KYAT3: variants seen among roughly 807,000 people sequenced by gnomAD.
KYAT3 encodes kynurenine--oxoglutarate transaminase 3.
KYAT3 carries 50 observed loss-of-function variants against 59.0 expected under a neutral mutation model. That is an observed-to-expected ratio of 0.85 (90% CI 0.68 to 1.07). The LOEUF is 1.07. Ranked by LOEUF, KYAT3 falls within the 50% of genes least tolerant of loss-of-function variation. The pLI is 0.00. For missense variants in KYAT3, 497 were observed against 533.3 expected (o/e 0.93, Z 0.67); for synonymous variants, 148 against 177.0 (o/e 0.84, Z 1.30).
At chr1:88,942,684 T>A (rs887142207) in intron 13 of KYAT3, among the ~76,000 whole-genome samples, 1 of 152,074 alleles carries the variant, frequency 6.6e-6, no homozygotes, top group African/African-American at 2.4e-5. Context: ...TGCCTCAGCC[T>A]CCCTAGTAGC....
chr1:88,936,242 CT>C lies in KYAT3; in HGVS notation c.1305del (p.Asp436ThrfsTer26), dbSNP rs1675033198. 1.2e-6 allele frequency: 2 copies of C among 1,603,818 alleles called. No homozygotes were observed. The highest frequency in any genetic ancestry group is 1.7e-6 in the Non-Finnish European group (2 of 1,172,098). Reference sequence around the variant, plus strand: ...TCTTCAGCAGCATCCAGTGTGCTGTCTTTCTGTAAATTAATGAAATAATCAT... The same window carrying C: ...TCTTCAGCAGCATCCAGTGTGCTGTCTTCTGTAAATTAATGAAATAATCAT... ...EKFVRFCFIK[K>X]DSTLDAAEEI... On this transcript the variant is annotated frameshift_variant and splice_region_variant, in exon 14 of 14. Transcript: ENST00000260508. LOFTEE classifies it high-confidence loss of function.
rs781017098 is a variant in KYAT3 at position 88,983,777 on chromosome 1, G to A, written c.99+4475C>T. 33 of 1,613,640 alleles carry A rather than the reference G, an allele frequency of 2.0e-5. No homozygotes were observed. The Middle Eastern group carries it at 1.2e-3, about 56-fold the overall frequency. On this transcript the variant is annotated intron_variant, in intron 2 of 13. Transcript: ENST00000260508. ...TTCAAGAGCTTTCTCATTTGTTTCCGTATTAAGCCCACCAATGAAGAGCTT... is the reference window on the plus strand; with the variant it reads ...TTCAAGAGCTTTCTCATTTGTTTCCATATTAAGCCCACCAATGAAGAGCTT...
intron 6 of KYAT3, 65 bp from the exon 7 acceptor site, chr1:88,961,571 A>G: frequency 7.4e-7 from 1 of 1,355,266 alleles, no homozygotes; most frequent in South Asian, 1.4e-5. Flanking sequence ...TTACAAACGA[A>G]TAACCTAATA....
intron 10 of KYAT3, 53 bp from the exon 11 acceptor site, chr1:88,949,330 T>C (rs1048393242): frequency 1.0e-5 from 13 of 1,298,134 alleles, no homozygotes; most frequent in Non-Finnish European, 1.4e-5. Flanking sequence ...TGTTATTTAT[T>C]GCTTAGTTTA....
intron 8 of KYAT3, among the ~76,000 whole-genome samples, chr1:88,960,566 G>A (rs1282410415): frequency 6.6e-6 from 1 of 152,136 alleles, no homozygotes; most frequent in Non-Finnish European, 1.5e-5. Flanking sequence ...CCTGAAGGAG[G>A]TGAAGGATAT....
intron 4 of KYAT3, 118 bp from the exon 5 acceptor site, chr1:88,965,096 C>T: frequency 1.4e-6 from 1 of 715,428 alleles, no homozygotes; most frequent in Non-Finnish European, 2.2e-6. Context: ...TTATAATTAC[C>T]CCAAGAAAAT....
chr1:88,966,423 C>T (rs192650303), intron 4 of KYAT3, among the ~76,000 whole-genome samples: 346 of 152,136 alleles, frequency 2.3e-3, no homozygotes, highest in Non-Finnish European at 3.7e-3. Context: ...TAGATTTCAT[C>T]GTACAGATCT....
At chr1:88,985,480 C>G (rs184696666) in intron 2 of KYAT3, among the ~76,000 whole-genome samples, 1 of 152,210 alleles carries the variant, frequency 6.6e-6, no homozygotes, top group African/African-American at 2.4e-5. Context: ...ACACACATGC[C>G]ATGTTCTGTG....
At chr1:88,957,903 T>C (rs1675980816) in intron 8 of KYAT3, among the ~76,000 whole-genome samples, 1 of 152,182 alleles carries the variant, frequency 6.6e-6, no homozygotes, top group African/African-American at 2.4e-5. Flanking sequence ...AGATGGGCAA[T>C]TGTGGCCTCT....
chr1:88,939,202 T>A (rs930534826), intron 13 of KYAT3, among the ~76,000 whole-genome samples: 2 of 152,232 alleles, frequency 1.3e-5, no homozygotes, highest in Non-Finnish European at 2.9e-5. Context: ...CTACTAAGGA[T>A]CTTACCCATA....
chr1:88,957,363 G>C (rs575532755), intron 8 of KYAT3, among the ~76,000 whole-genome samples: 1 of 152,116 alleles, frequency 6.6e-6, no homozygotes, highest in East Asian at 1.9e-4. Context: ...TTTTCTATTT[G>C]ATCAGAGAAA....
chr1:88,931,329 G>A (rs1674902959), downstream of KYAT3, among the ~76,000 whole-genome samples: 1 of 152,168 alleles, frequency 6.6e-6, no homozygotes, highest in South Asian at 2.1e-4. Context: ...CAGAATCGAA[G>A]CTGTAAAACT....
intron 1 of KYAT3, among the ~76,000 whole-genome samples, chr1:88,991,663 G>A (rs1293009346): frequency 2.0e-5 from 3 of 152,220 alleles, no homozygotes; most frequent in Non-Finnish European, 2.9e-5. Context: ...AAGGAGACAC[G>A]AGCCTGAAAT....
intron 13 of KYAT3, among the ~76,000 whole-genome samples, chr1:88,940,621 C>T (rs984641490): frequency 6.6e-6 from 1 of 152,170 alleles, no homozygotes; most frequent in African/African-American, 2.4e-5. Flanking sequence ...TTCTTTTAGA[C>T]CACAGTTCTT....
chr1:88,984,100 G>A (rs150152732), intron 2 of KYAT3: 2 of 450,170 alleles, frequency 4.4e-6, no homozygotes. Flanking sequence ...GTAAAACTCA[G>A]AAGTGGAAAT....
the KYAT3 span, among the ~76,000 whole-genome samples, chr1:88,926,296 C>G: frequency 1.3e-5 from 2 of 149,432 alleles, no homozygotes; most frequent in African/African-American, 5.0e-5. Context: ...TACAAAGGTC[C>G]GACCAGACCT....
chr1:88,986,601 C>G (rs567963646), intron 2 of KYAT3, among the ~76,000 whole-genome samples: 3 of 152,004 alleles, frequency 2.0e-5, no homozygotes. Context: ...CTACATTTTT[C>G]CTTTAGCATT....
intron 2 of KYAT3, chr1:88,981,271 C>G (rs1677073495): frequency 6.6e-6 from 1 of 152,236 alleles, no homozygotes; most frequent in African/African-American, 2.4e-5. Context: ...AAATGTTTCA[C>G]TTACTGACAA....
intron 13 of KYAT3, among the ~76,000 whole-genome samples, chr1:88,941,142 A>T (rs760458028): frequency 4.0e-4 from 61 of 152,324 alleles, no homozygotes; most frequent in Non-Finnish European, 8.4e-4. Context: ...ATAATATACC[A>T]CTATTTCTCA....
Sources: gnomAD v4.1 joint callset for allele counts (sites outside exome capture counted in the v4.1 genomes callset) on GRCh38, gnomAD v4.1.1 for gene constraint, MANE v1.5 for transcripts, NCBI Gene and HGNC (gene_info 2026-07-23, HGNC 2026-07-21) for gene names.